Variants in CADM2 observed in about 807,000 individuals in gnomAD.
CADM2 encodes immunoglobulin superfamily member 4D.
Under a neutral mutation model 49.8 loss-of-function variants are expected in CADM2, and 12 were observed. The ratio of observed to expected loss-of-function variants is 0.24; its 90% confidence interval spans 0.15 to 0.39. CADM2 has a LOEUF of 0.39. Among genes scored for constraint, CADM2 ranks in the 10% least tolerant of loss-of-function variants. CADM2 has a pLI of 1.00. For missense variants in CADM2, 378 were observed against 492.3 expected, an observed-to-expected ratio of 0.77 and a Z score of 2.20; for synonymous variants, 214 against 175.4, an observed-to-expected ratio of 1.22 and a Z score of -1.74.
intron 1 of CADM2, among the ~76,000 whole-genome samples, chr3:85,277,064 A>G (rs1338240196): frequency 6.6e-6 from 1 of 151,452 alleles, no homozygotes; most frequent in Non-Finnish European, 1.5e-5. Flanking sequence ...AAGAAAAATG[A>G]TAGAACATTG....
intron 1 of CADM2, among the ~76,000 whole-genome samples, chr3:85,118,623 A>G (rs1329923063): frequency 6.6e-6 from 1 of 152,180 alleles, no homozygotes; most frequent in East Asian, 1.9e-4. Flanking sequence ...TGCTTCCCAC[A>G]ACATGTGGGA....
chr3:85,704,308 G>A (rs896430399), intron 1 of CADM2, among the ~76,000 whole-genome samples: 9 of 152,204 alleles, frequency 5.9e-5, no homozygotes, highest in Non-Finnish European at 1.2e-4. Context: ...CGATAAATGG[G>A]ACAGTAAAAA....
chr3:85,531,037 C>G (rs2061298322), intron 1 of CADM2, among the ~76,000 whole-genome samples: 1 of 152,070 alleles, frequency 6.6e-6, no homozygotes, highest in African/African-American at 2.4e-5. Context: ...TGTATGAAAG[C>G]TTCTACTCAG....
rs139323874 is a variant in CADM2 at position 85,984,198 on chromosome 3, C to T, written c.970+22551C>T. On this transcript the variant is annotated intron_variant, in intron 8 of 9. Coordinates refer to ENST00000383699, the MANE Select transcript of CADM2 (RefSeq NM_001167675.2). ...CATATGTACACATATATTATGTATG[C>T]ACATATATTATACATGTTACTTTTT... Among the ~76,000 whole-genome samples, 488 of 150,164 alleles carry T rather than the reference C, an allele frequency of 3.2e-3. 2 individuals carry two copies. Among genetic ancestry groups the T allele is most frequent in the African/African-American group, 0.011 (472 of 41,116 alleles).
At chr3:85,982,670 G>A (rs1727625036) in intron 8 of CADM2, among the ~76,000 whole-genome samples, 1 of 151,620 alleles carries the variant, frequency 6.6e-6, no homozygotes, top group Non-Finnish European at 1.5e-5. Flanking sequence ...ATTTTACACT[G>A]TATTCTTTCA....
chr3:85,014,116 G>A (rs1212196189), intron 1 of CADM2, among the ~76,000 whole-genome samples: 1 of 140,130 alleles, frequency 7.1e-6, no homozygotes, highest in African/African-American at 2.7e-5. Context: ...TATATACGCA[G>A]TGTAATATTG....
Position 85,261,197 on chromosome 3 carries a change from CA to C in CADM2, c.61+301531del, listed in dbSNP as rs1289090198. 3.9e-5 allele frequency among the ~76,000 whole-genome samples: 6 copies of C among 152,144 alleles called. No homozygotes were observed. The East Asian group carries it at 1.2e-3, about 29-fold the overall frequency. On this transcript the variant is annotated intron_variant, in intron 1 of 9. Coordinates refer to ENST00000383699, the MANE Select transcript of CADM2 (RefSeq NM_001167675.2). ...TGTCACTCAGGCTGGAGTGCAGTGG[CA>C]AGATCTTGGCTCATTGCAACCTCTG...
chr3:85,488,172 TA>T (rs1237021712), intron 1 of CADM2, among the ~76,000 whole-genome samples: 3 of 152,180 alleles, frequency 2.0e-5, no homozygotes, highest in African/African-American at 7.2e-5. Context: ...CTAAGGCCAT[TA>T]AAGGTCTTAC....
At chr3:85,943,186 G>C (rs1722181060) in intron 7 of CADM2, among the ~76,000 whole-genome samples, 1 of 147,778 alleles carries the variant, frequency 6.8e-6, no homozygotes, top group South Asian at 2.2e-4. Context: ...GGGGTTGTTT[G>C]TTTTTTTCTT....
At chr3:85,101,964 G>A (rs1021399904) in intron 1 of CADM2, among the ~76,000 whole-genome samples, 1 of 152,128 alleles carries the variant, frequency 6.6e-6, no homozygotes, top group East Asian at 1.9e-4. Flanking sequence ...TGGAAGTCAG[G>A]CTTGCCCTAG....
intron 7 of CADM2, among the ~76,000 whole-genome samples, chr3:85,957,614 C>T (rs1390548050): frequency 6.6e-6 from 1 of 151,744 alleles, no homozygotes; most frequent in Admixed American, 6.6e-5. Flanking sequence ...TTCATGTATA[C>T]GTCAGACTGC....
At chr3:85,443,851 C>A (rs992766555) in intron 1 of CADM2, among the ~76,000 whole-genome samples, 4 of 152,112 alleles carry the variant, frequency 2.6e-5, no homozygotes, top group Non-Finnish European at 4.4e-5. Flanking sequence ...CGGCAACACC[C>A]AAACTTGTGT....
At chr3:85,314,521 C>T (rs1313750649) in intron 1 of CADM2, among the ~76,000 whole-genome samples, 4 of 151,650 alleles carry the variant, frequency 2.6e-5, no homozygotes, top group African/African-American at 9.7e-5. Flanking sequence ...AATACCTAGC[C>T]CACTTAAATC....
intron 1 of CADM2, among the ~76,000 whole-genome samples, chr3:85,358,264 C>A (rs2032039526): frequency 6.6e-6 from 1 of 152,112 alleles, no homozygotes; most frequent in South Asian, 2.1e-4. Context: ...AGCAAAATCA[C>A]TCCTGGTGGA....
chr3:86,052,985 T>C (rs2087598186), intron 8 of CADM2, among the ~76,000 whole-genome samples: 1 of 152,140 alleles, frequency 6.6e-6, no homozygotes, highest in African/African-American at 2.4e-5. Context: ...AATAAGGTCA[T>C]AGCAGCTCCT....
chr3:85,371,412 A>G (rs564446655), intron 1 of CADM2, among the ~76,000 whole-genome samples: 3 of 151,986 alleles, frequency 2.0e-5, no homozygotes, highest in East Asian at 3.9e-4. Flanking sequence ...TGCTGCAACT[A>G]CCTACAGCAG....
intron 6 of CADM2, among the ~76,000 whole-genome samples, chr3:85,913,307 A>G (rs1252029296): frequency 6.6e-6 from 1 of 151,304 alleles, no homozygotes; most frequent in African/African-American, 2.5e-5. Context: ...AAATGAATGA[A>G]TTGAAACATG....
intron 1 of CADM2, among the ~76,000 whole-genome samples, chr3:85,399,453 A>G (rs1246088203): frequency 4.6e-5 from 7 of 152,084 alleles, no homozygotes; most frequent in Admixed American, 6.6e-5. Context: ...TTCTCTTGGC[A>G]ATGCGGGCTC....
intron 3 of CADM2, among the ~76,000 whole-genome samples, chr3:85,824,857 T>G (rs1408344434): frequency 6.6e-6 from 1 of 151,954 alleles, no homozygotes. Context: ...AAAACTAAAA[T>G]TTTTAAATTT....
Sources: gnomAD v4.1 joint callset for allele counts (sites outside exome capture counted in the v4.1 genomes callset) on GRCh38, gnomAD v4.1.1 for gene constraint, MANE v1.5 for transcripts, NCBI Gene and HGNC (gene_info 2026-07-23, HGNC 2026-07-21) for gene names.